SUPT6H: variants seen among roughly 807,000 people sequenced by gnomAD.
The protein encoded by SUPT6H is transcription elongation factor SPT6.
A neutral mutation model predicts 222.3 loss-of-function variants in SUPT6H; 11 were observed. The observed-to-expected ratio is 0.05, with a 90% CI of 0.03 to 0.08. SUPT6H has a LOEUF of 0.08. Among genes scored for constraint, SUPT6H ranks in the 10% least tolerant of loss-of-function variants. The pLI is 1.00. For missense variants in SUPT6H, 1,422 were observed against 2,216.0 expected (o/e 0.64, Z 7.19); for synonymous variants, 762 against 801.2 (o/e 0.95, Z 0.83).
At chr17:28,701,180 G>T in intron 36 of SUPT6H, 52 bp downstream of exon 36, 1 of 1,550,952 alleles carries the variant, frequency 6.4e-7, no homozygotes, top group Non-Finnish European at 8.7e-7. Flanking sequence ...GGCAGGTGTT[G>T]TCAAGAGGCC....
At chr17:28,674,846 C>A in intron 4 of SUPT6H, 124 bp from the exon 5 acceptor site, 1 of 1,223,112 alleles carries the variant, frequency 8.2e-7, no homozygotes, top group Non-Finnish European at 1.1e-6. Context: ...CATCACTCGG[C>A]ATGTTCTTTC....
intron 32 of SUPT6H, among the ~76,000 whole-genome samples, chr17:28,698,898 A>C (rs760256741): frequency 1.3e-5 from 2 of 151,400 alleles, no homozygotes; most frequent in African/African-American, 2.4e-5. Context: ...GCCAGGGCTA[A>C]GTGGGGCTGG....
chr17:28,693,655 G>C, intron 27 of SUPT6H, 41 bp from the exon 28 acceptor site: 1 of 1,612,918 alleles, frequency 6.2e-7, no homozygotes, highest in Non-Finnish European at 8.5e-7. Context: ...GCGATCTCCA[G>C]AATATTGATA....
chr17:28,688,180 T>C lies in SUPT6H; in HGVS notation c.3096T>C (p.Ala1032=), dbSNP rs1412681645. The C allele has an allele frequency of 1.8e-5, 29 of 1,613,488 alleles. No individual in the cohort carries two copies. Among genetic ancestry groups the C allele is most frequent in the Non-Finnish European group, 2.5e-5 (29 of 1,179,792 alleles). Residue 1032 remains alanine, a synonymous_variant, in exon 24 of 37, where the codon GCT becomes GCC. Transcript: ENST00000314616. The surrounding 1 kb of genome is among the most constrained non-coding windows in gnomAD (Gnocchi z 4.3). The stretch of plus-strand genomic sequence containing the variant: ...GTCCCAAAGTCTTCATGAATTGTGC[T>C]GGCTTCCTCAAGATCGACACGGCCT... ...HMGPKVFMNC[A]GFLKIDTASL...
intron 2 of SUPT6H, 43 bp downstream of exon 2, chr17:28,673,553 G>T: frequency 7.0e-7 from 1 of 1,425,050 alleles, no homozygotes; most frequent in Non-Finnish European, 9.9e-7. Context: ...CTATTGCTAA[G>T]CTTTGGATAG....
At position 28,701,759 on chromosome 17, in the gene SUPT6H, G is replaced by A. The variant is rs2032146723; in HGVS notation, c.*134G>A. On this transcript the variant is annotated 3_prime_UTR_variant, in exon 37 of 37. Transcript: ENST00000314616. Reference sequence around the variant, plus strand: ...GACGTTCTCTTTGGTGGTCAACCCGGATGGGTGACAGGCTGGATGGCCTTG... The same window carrying A: ...GACGTTCTCTTTGGTGGTCAACCCGAATGGGTGACAGGCTGGATGGCCTTG... 12 of 955,470 alleles carry A rather than the reference G, an allele frequency of 1.3e-5. No homozygotes were observed. The highest frequency in any genetic ancestry group is 1.8e-5 in the Non-Finnish European group (12 of 656,082). 59.2% of individuals were successfully genotyped at this position (955,470 alleles called of 1,614,324 possible). A position where few individuals can be genotyped will look rare whatever the true frequency, so the allele number is the denominator to read the frequency against.
chr17:28,665,402 C>T (rs578224179), intron 1 of SUPT6H, among the ~76,000 whole-genome samples: 95 of 152,230 alleles, frequency 6.2e-4, no homozygotes, highest in African/African-American at 2.1e-3. Context: ...CACCAGAATA[C>T]GGGCATCCTA....
chr17:28,681,735 G>T, intron 12 of SUPT6H, 147 bp from the exon 13 acceptor site: 9 of 607,160 alleles, frequency 1.5e-5, no homozygotes, highest in South Asian at 2.6e-5. Flanking sequence ...AAAAAATCAA[G>T]AAAGAAAACC....
chr17:28,675,927 T>TG (rs2030721019), intron 6 of SUPT6H, among the ~76,000 whole-genome samples: 1 of 152,198 alleles, frequency 6.6e-6, no homozygotes, highest in South Asian at 2.1e-4. Flanking sequence ...TGCTATTTGA[T>TG]TACTGTCACT....
At chr17:28,667,435 A>ATATATATATATATATATG (rs1491494572) in intron 1 of SUPT6H, among the ~76,000 whole-genome samples, 1 of 128,770 alleles carries the variant, frequency 7.8e-6, no homozygotes, top group African/African-American at 2.9e-5. Flanking sequence ...ATATATATAT[A>ATATATATATATATATATG]TGTATGTGTG....
Position 28,683,607 on chromosome 17 carries a change from G to T in SUPT6H, c.2034-14G>T. The T allele has an allele frequency of 6.2e-7, 1 of 1,612,190 alleles. No homozygotes were observed. On this transcript the variant is annotated splice_polypyrimidine_tract_variant and intron_variant, in intron 16 of 36. Transcript: ENST00000314616. ...TCTCCATTCCTGACACCATAGCTTT[G>T]TGTCTCTTCTCAGCTATGGCAACGA... is the stretch of plus-strand genomic sequence containing the variant.
rs908389694 is a variant in SUPT6H, at chr17:28,681,464, G to A, written c.1498+60G>A. On this transcript the variant is annotated intron_variant, in intron 12 of 36. Transcript: ENST00000314616. ...TGGCCATGCATGATGGCTCACGCAT[G>A]TAATCCCAGCATTTTCAGATGCTAA... The A allele has an allele frequency of 2.5e-5, 38 of 1,522,136 alleles. No individual in the cohort carries two copies. The African/African-American group carries it at 5.2e-4, about 21-fold the overall frequency. The allele number at this position is 1,522,136 out of a possible 1,614,324, so 94.3% of individuals were successfully genotyped here.
intron 34 of SUPT6H, 30 bp from the exon 35 acceptor site, chr17:28,700,316 A>C (rs1039321503): frequency 1.9e-6 from 3 of 1,614,010 alleles, no homozygotes; most frequent in Non-Finnish European, 2.5e-6. Context: ...CACCTCTAAC[A>C]TGCCCCTCCC....
chr17:28,687,186 C>A lies in SUPT6H; in HGVS notation c.2799C>A (p.Ser933=), dbSNP rs145262815. The stretch of plus-strand genomic sequence containing the variant: ...TTGAATTTGCCCAGGTGTGCAGTTC[C>A]GATGAAGACATCCTGTGTCTCAAGT... ...PLIEFAQVCS[S]DEDILCLKFH... is the part of the protein sequence containing the mutation. Residue 933 remains serine (S), a synonymous_variant, in exon 22 of 37, where the codon TCC becomes TCA. Coordinates refer to ENST00000314616, the MANE Select transcript of SUPT6H (RefSeq NM_003170.5). 1 of 1,614,104 alleles carries A rather than the reference C, an allele frequency of 6.2e-7. No homozygotes were observed. Among genetic ancestry groups the A allele is most frequent in the Non-Finnish European group, 8.5e-7 (1 of 1,180,030 alleles).
At chr17:28,700,300 G>A in intron 34 of SUPT6H, 46 bp from the exon 35 acceptor site, 1 of 1,614,164 alleles carries the variant, frequency 6.2e-7, no homozygotes, top group Non-Finnish European at 8.5e-7. Flanking sequence ...GAGCTAAAGG[G>A]ACTTTCACCT....
chr17:28,686,584 C>A, intron 20 of SUPT6H, 70 bp from the exon 21 acceptor site: 2 of 1,547,662 alleles, frequency 1.3e-6, no homozygotes, highest in Non-Finnish European at 1.7e-6. Flanking sequence ...TACCTCTTCA[C>A]CCCCAAGGCA....
Position 28,678,640 on chromosome 17 carries a change from G to GTAGA in SUPT6H, c.1206+8_1206+11dup. On this transcript the variant is annotated splice_region_variant and intron_variant, in intron 10 of 36. Transcript: ENST00000314616. Reference sequence around the variant, plus strand: ...TCTGGCAGTGGGATGAAAAGGTAATGTAGATCCGTGGCCCCCAAGAGGTGT... The same window carrying GTAGA: ...TCTGGCAGTGGGATGAAAAGGTAATGTAGATAGATCCGTGGCCCCCAAGAGGTGT... The GTAGA allele has an allele frequency of 3.1e-6, 5 of 1,614,040 alleles. No individual in the cohort carries two copies. The highest frequency in any genetic ancestry group is 4.2e-6 in the Non-Finnish European group (5 of 1,179,984).
At chr17:28,687,987 T>A in intron 23 of SUPT6H, 104 bp from the exon 24 acceptor site, 1 of 1,323,676 alleles carries the variant, frequency 7.6e-7, no homozygotes. Flanking sequence ...AACTAGATAC[T>A]GGGTGGGACA....
chr17:28,689,133 T>C, intron 24 of SUPT6H: 1 of 539,688 alleles, frequency 1.9e-6, no homozygotes, highest in South Asian at 2.4e-5. Flanking sequence ...GATCATATGG[T>C]TCATAGTGTT....
Sources: allele counts gnomAD v4.1 joint callset (sites outside exome capture counted in the v4.1 genomes callset), GRCh38; gene constraint gnomAD v4.1.1; non-coding constraint Gnocchi (gnomAD v3.1); transcripts MANE v1.5; gene names NCBI Gene and HGNC (gene_info 2026-07-23, HGNC 2026-07-21).